PDE4C: variants seen among roughly 807,000 people sequenced by gnomAD.
PDE4C encodes 3',5'-cyclic-AMP phosphodiesterase 4C.
PDE4C carries 50 observed loss-of-function variants against 63.9 expected under a neutral mutation model. The observed-to-expected ratio is 0.78, with a 90% CI of 0.62 to 0.99. The LOEUF (loss-of-function observed/expected upper bound fraction) is 0.99. Among genes scored for constraint, PDE4C ranks in the 50% least tolerant of loss-of-function variants. PDE4C has a pLI of 0.00. For synonymous variants in PDE4C, 377 were observed against 385.1 expected (o/e 0.98, Z 0.25); for missense variants, 777 against 899.1 (o/e 0.86, Z 1.74).
At chr19:18,222,303 A>C in exon 2 of PDE4C, 1 of 1,610,692 alleles carries the variant, frequency 6.2e-7, no homozygotes, top group Non-Finnish European at 8.5e-7. Context: ...CCCACACGAG[A>C]GCCCATTTTC....
At chr19:18,228,546 T>C (rs1408918415), upstream of PDE4C, among the ~76,000 whole-genome samples, 1 of 152,238 alleles carries the variant, frequency 6.6e-6, no homozygotes, top group African/African-American at 2.4e-5. Flanking sequence ...CCGCACTGGA[T>C]GCGTTAACTC....
Position 18,220,993 on chromosome 19 carries a change from G to A in PDE4C, c.450-70C>T. Reference sequence around the variant, plus strand: ...CCCGCCCCCAAGTCCACCAGGCCCCGCCCCTCAAACCCACCTGGAGGCGCC... The same window carrying A: ...CCCGCCCCCAAGTCCACCAGGCCCCACCCCTCAAACCCACCTGGAGGCGCC... On this transcript the variant is annotated intron_variant, in intron 4 of 14. Transcript: ENST00000262805. This position sits in a 1 kb window ranked among gnomAD's most constrained non-coding sequence, Gnocchi z 5.1. 3.9e-6 allele frequency: 6 copies of A among 1,539,086 alleles called. No homozygotes were observed. The highest frequency in any genetic ancestry group is 1.2e-5 in the South Asian group (1 of 84,568).
chr19:18,245,191 T>A (rs1039479499), intron 1 of PDE4C, among the ~76,000 whole-genome samples: 3 of 147,896 alleles, frequency 2.0e-5, no homozygotes, highest in Admixed American at 6.8e-5. Context: ...TGAGACAGAG[T>A]CGCACTCTGT....
At chr19:18,248,269 C>G (rs1408477250), upstream of PDE4C, 2 of 454,952 alleles carry the variant, frequency 4.4e-6, no homozygotes, top group Non-Finnish European at 8.8e-6. Context: ...AGGGCTCCCT[C>G]AACACCCACT....
upstream of PDE4C, among the ~76,000 whole-genome samples, chr19:18,229,640 AT>A (rs1464317299): frequency 6.6e-6 from 1 of 151,874 alleles, no homozygotes; most frequent in Admixed American, 6.6e-5. Flanking sequence ...CCCCAGAGAG[AT>A]TTTTTTAAAT....
At chr19:18,232,954 T>A (rs765777381) in exon 1 of PDE4C, 25 of 1,448,398 alleles carry the variant, frequency 1.7e-5, no homozygotes, top group Non-Finnish European at 2.3e-5. Flanking sequence ...ACCTACCGCC[T>A]GCAGGAGGAA....
Position 18,216,849 on chromosome 19 carries a change from G to T in PDE4C, c.1281C>A (p.Asn427Lys), listed in dbSNP as rs773285462. ...GCTTGAAGCCCACAGCCAGGTGATG[G>T]TTCTCCAGCACCGAGGCGTCGTTGT... The change falls in exon 12 of 15, where the codon AAC becomes AAA. Residue 427 changes from asparagine (N) to lysine (K), a missense_variant. Physicochemically the swap from Asn to Lys is moderately conservative, Grantham distance 94 (BLOSUM62 0). Transcript: ENST00000262805. 8.9e-5 allele frequency: 143 copies of T among 1,614,068 alleles called. No homozygotes were observed. Among genetic ancestry groups the T allele is most frequent in the Non-Finnish European group, 1.2e-4 (138 of 1,180,020 alleles).
chr19:18,233,949 G>C (rs1968903925), upstream of PDE4C, among the ~76,000 whole-genome samples: 3 of 152,200 alleles, frequency 2.0e-5, no homozygotes, highest in African/African-American at 2.4e-5. Context: ...GCCCCAGAAG[G>C]GGTCTCTTTG....
intron 2 of PDE4C, 111 bp downstream of exon 2, chr19:18,222,021 C>T: frequency 2.1e-6 from 2 of 962,110 alleles, no homozygotes; most frequent in Non-Finnish European, 1.5e-6. Flanking sequence ...CAAACTCCTA[C>T]TTAAACTTCA....
At chr19:18,231,159 G>A (rs988903367), upstream of PDE4C, among the ~76,000 whole-genome samples, 5 of 152,208 alleles carry the variant, frequency 3.3e-5, no homozygotes, top group East Asian at 3.8e-4. Context: ...ACTCAGTTTC[G>A]CTGGGCTTCC....
chr19:18,236,362 T>C (rs1028423613), upstream of PDE4C, among the ~76,000 whole-genome samples: 1 of 152,116 alleles, frequency 6.6e-6, no homozygotes, highest in Non-Finnish European at 1.5e-5. Context: ...CCTGAGTAGC[T>C]GGGACTACAG....
chr19:18,225,394 AC>A (rs1403490544), intron 1 of PDE4C: 1 of 152,348 alleles, frequency 6.6e-6, no homozygotes, highest in African/African-American at 2.4e-5. Context: ...TCTCCAGGAC[AC>A]GGAACCCCCA....
At chr19:18,250,832 G>A (rs1351972681), upstream of PDE4C, among the ~76,000 whole-genome samples, 2 of 149,854 alleles carry the variant, frequency 1.3e-5, no homozygotes, top group Non-Finnish European at 3.0e-5. Flanking sequence ...GGAGTGCAGT[G>A]ACGTTATCTC....
At chr19:18,251,697 CCGCCCT>C (rs1568272211), upstream of PDE4C, among the ~76,000 whole-genome samples, 3 of 139,542 alleles carry the variant, frequency 2.1e-5, no homozygotes, top group Non-Finnish European at 4.7e-5. Context: ...GCCCCCGCCC[CCGCCCT>C]CGGCCTCCCA....
At chr19:18,226,312 C>T (rs751534896) in exon 1 of PDE4C, 8 of 1,568,770 alleles carry the variant, frequency 5.1e-6, no homozygotes, top group South Asian at 2.3e-5. Flanking sequence ...CAGGCGGATG[C>T]TCTGATTCAC....
upstream of PDE4C, chr19:18,234,090 A>G: frequency 6.5e-6 from 1 of 153,220 alleles, no homozygotes; most frequent in Non-Finnish European, 1.5e-5. Flanking sequence ...CCAAACAGCT[A>G]CCAGTAGGGA....
intron 1 of PDE4C, among the ~76,000 whole-genome samples, chr19:18,244,637 C>T (rs776446598): frequency 2.6e-5 from 4 of 151,930 alleles, no homozygotes; most frequent in South Asian, 2.1e-4. Flanking sequence ...CTCAGCCTCC[C>T]GAGTAGCTGG....
upstream of PDE4C, chr19:18,252,533 G>A (rs1969242864): frequency 5.0e-6 from 2 of 398,708 alleles, no homozygotes; most frequent in Non-Finnish European, 8.8e-6. Flanking sequence ...GAGAGGTCAA[G>A]GTGAGAGCAT....
chr19:18,217,468 T>C (rs754366600), intron 11 of PDE4C, among the ~76,000 whole-genome samples: 1 of 119,360 alleles, frequency 8.4e-6, no homozygotes, highest in Non-Finnish European at 1.9e-5. Flanking sequence ...ACCCAGTCTC[T>C]GGACTCTAGG....
Sources: gnomAD v4.1 joint callset for allele counts (sites outside exome capture counted in the v4.1 genomes callset) on GRCh38, gnomAD v4.1.1 for gene constraint, Gnocchi (gnomAD v3.1) non-coding constraint, MANE v1.5 for transcripts, NCBI Gene and HGNC (gene_info 2026-07-23, HGNC 2026-07-21) for gene names.